Variants in CNTN3 observed in about 807,000 individuals in gnomAD.
CNTN3 encodes the protein contactin-3.
In CNTN3, 60 loss-of-function variants were observed where a neutral mutation model predicts 119.1. The ratio of observed to expected loss-of-function variants is 0.50; its 90% CI spans 0.41 to 0.62. The LOEUF (loss-of-function observed/expected upper bound fraction) is 0.62. Among genes scored for constraint, CNTN3 ranks in the 20% least tolerant of loss-of-function variants. CNTN3 has a pLI of 0.00. For synonymous variants in CNTN3, 450 were observed against 438.7 expected, an observed-to-expected ratio of 1.03 and a Z score of -0.32; for missense variants, 1,101 against 1,242.4, an observed-to-expected ratio of 0.89 and a Z score of 1.71.
At chr3:74,486,693 A>G (rs1284438936) in intron 3 of CNTN3, 62 bp from the exon 4 acceptor site, 1 of 1,349,720 alleles carries the variant, frequency 7.4e-7, no homozygotes, top group Non-Finnish European at 9.9e-7. Context: ...AAGGCTCTCC[A>G]TTATAAAATC....
At chr3:74,443,891 C>T (rs549684090) in intron 4 of CNTN3, among the ~76,000 whole-genome samples, 3 of 151,432 alleles carry the variant, frequency 2.0e-5, no homozygotes, top group African/African-American at 4.8e-5. Context: ...CCATAAACAG[C>T]GTGGCTTAAA....
At chr3:74,535,840 G>T (rs1381143681) in intron 1 of CNTN3, among the ~76,000 whole-genome samples, 1 of 152,014 alleles carries the variant, frequency 6.6e-6, no homozygotes, top group Non-Finnish European at 1.5e-5. Flanking sequence ...AGACATTCGT[G>T]ACGACCAAAC....
intron 11 of CNTN3, among the ~76,000 whole-genome samples, chr3:74,359,228 C>A (rs75787707): frequency 3.9e-5 from 6 of 151,952 alleles, no homozygotes; most frequent in Admixed American, 2.0e-4. Context: ...AACGGCCAAC[C>A]AACAAACAAA....
At chr3:74,270,507 C>T (rs1429811890) in intron 20 of CNTN3, among the ~76,000 whole-genome samples, 3 of 152,228 alleles carry the variant, frequency 2.0e-5, no homozygotes, top group Admixed American at 2.0e-4. Context: ...TAGTTTTAGG[C>T]CACTGAGGTT....
At chr3:74,392,345 CT>C (rs1289017609) in intron 5 of CNTN3, among the ~76,000 whole-genome samples, 1 of 152,104 alleles carries the variant, frequency 6.6e-6, no homozygotes, top group Non-Finnish European at 1.5e-5. Flanking sequence ...TTCTTTCTTT[CT>C]TTTTGCCATT....
intron 1 of CNTN3, among the ~76,000 whole-genome samples, chr3:74,557,323 G>A (rs2107169374): frequency 6.6e-6 from 1 of 152,180 alleles, no homozygotes; most frequent in South Asian, 2.1e-4. Flanking sequence ...ATAGTGTGAG[G>A]TAGTGGTCCA....
chr3:74,575,125 A>G (rs980496152), intron 1 of CNTN3, among the ~76,000 whole-genome samples: 1 of 151,978 alleles, frequency 6.6e-6, no homozygotes, highest in African/African-American at 2.4e-5. Flanking sequence ...GGGTTTCACT[A>G]TGTTGCCCAA....
At chr3:74,402,247 T>C (rs910036926) in intron 5 of CNTN3, among the ~76,000 whole-genome samples, 6 of 152,094 alleles carry the variant, frequency 3.9e-5, no homozygotes, top group Non-Finnish European at 7.4e-5. Flanking sequence ...CAGTGAAAAA[T>C]ATAGGAGCAC....
chr3:74,471,087 G>T (rs1702553301), intron 4 of CNTN3, among the ~76,000 whole-genome samples: 2 of 152,108 alleles, frequency 1.3e-5, no homozygotes, highest in Admixed American at 1.3e-4. Context: ...ATGTTGGTCA[G>T]GATGGTCTTG....
chr3:74,415,724 C>T (rs1283127464), intron 5 of CNTN3, among the ~76,000 whole-genome samples: 1 of 152,152 alleles, frequency 6.6e-6, no homozygotes, highest in Non-Finnish European at 1.5e-5. Flanking sequence ...GCCTGCAGGC[C>T]AGGCAGTCTT....
At chr3:74,459,297 T>C (rs1050014556) in intron 4 of CNTN3, among the ~76,000 whole-genome samples, 1 of 152,052 alleles carries the variant, frequency 6.6e-6, no homozygotes, top group African/African-American at 2.4e-5. Flanking sequence ...CGCCAACCTC[T>C]GTCACTTCTT....
At chr3:74,604,553 G>T (rs577094590) in intron 1 of CNTN3, among the ~76,000 whole-genome samples, 4 of 152,224 alleles carry the variant, frequency 2.6e-5, no homozygotes, top group African/African-American at 9.6e-5. Flanking sequence ...ATGGGTATAT[G>T]AAAAGGTGTT....
chr3:74,551,401 C>T (rs1703988081), intron 1 of CNTN3, among the ~76,000 whole-genome samples: 1 of 152,166 alleles, frequency 6.6e-6, no homozygotes, highest in Non-Finnish European at 1.5e-5. Context: ...AACACACATG[C>T]ACACATCCTC....
At position 74,299,912 on chromosome 3, in the gene CNTN3, T is replaced by C; in HGVS notation, c.2122A>G (p.Asn708Asp). The change falls in exon 17 of 23, where the codon AAT (asparagine) becomes GAT (aspartate). Residue 708 changes from asparagine to aspartate, a missense_variant. Coordinates refer to ENST00000263665, the MANE Select transcript of CNTN3 (RefSeq NM_020872.3). The part of the protein sequence containing the change: ...AVPEVPPSEV[N>D]GGGGSRSELV... ...TCAGACCGGCTTCCGCCTCCTCCAT[T>C]GACTTCAGAAGGAGGCACTTCTGGA... 6.2e-7 allele frequency: 1 copy of C among 1,605,198 alleles called. No individual in the cohort carries two copies.
chr3:74,376,512 C>CA (rs1361849998), intron 5 of CNTN3, among the ~76,000 whole-genome samples: 1 of 152,146 alleles, frequency 6.6e-6, no homozygotes, highest in African/African-American at 2.4e-5. Context: ...GCTGATCTGT[C>CA]ACTGTCTCCC....
At chr3:74,385,232 G>A (rs561410777) in intron 5 of CNTN3, among the ~76,000 whole-genome samples, 1 of 152,276 alleles carries the variant, frequency 6.6e-6, no homozygotes, top group East Asian at 1.9e-4. Context: ...ACAGTCTTAG[G>A]AACAAGGATT....
intron 13 of CNTN3, among the ~76,000 whole-genome samples, chr3:74,316,926 T>A (rs1163563339): frequency 2.6e-4 from 32 of 124,548 alleles, no homozygotes; most frequent in African/African-American, 9.9e-4. Context: ...AGACTCCATC[T>A]CAAAAAAAAA....
chr3:74,577,995 T>C (rs1487717606), intron 1 of CNTN3, among the ~76,000 whole-genome samples: 1 of 152,084 alleles, frequency 6.6e-6, no homozygotes, highest in African/African-American at 2.4e-5. Context: ...TTCTGTACTT[T>C]TATTGAAATA....
At chr3:74,381,059 T>A (rs1214394403) in intron 5 of CNTN3, among the ~76,000 whole-genome samples, 1 of 151,262 alleles carries the variant, frequency 6.6e-6, no homozygotes, top group Admixed American at 6.6e-5. Flanking sequence ...AATTGTTTTT[T>A]TTTTTCTCTC....
Sources: allele counts gnomAD v4.1 joint callset (sites outside exome capture counted in the v4.1 genomes callset), GRCh38; gene constraint gnomAD v4.1.1; transcripts MANE v1.5; gene names NCBI Gene and HGNC (gene_info 2026-07-23, HGNC 2026-07-21).